The following NELL1 variants were observed in gnomAD, a reference collection of about 807,000 sequenced individuals.
NELL1 encodes protein kinase C-binding protein NELL1.
In NELL1, 76 loss-of-function variants were observed where a neutral mutation model predicts 107.4. The observed-to-expected ratio is 0.71, with a 90% CI of 0.59 to 0.86. NELL1 has a LOEUF of 0.86. Ranked by LOEUF, NELL1 falls within the 40% of genes least tolerant of loss-of-function variation. The pLI is 0.00. For missense variants in NELL1, 1,024 were observed against 1,005.5 expected (o/e 1.02, Z -0.25); for synonymous variants, 353 against 341.2 (o/e 1.03, Z -0.38).
chr11:20,927,544 G>A, intron 8 of NELL1, 102 bp downstream of exon 8: 1 of 1,180,602 alleles, frequency 8.5e-7, no homozygotes, highest in Non-Finnish European at 1.2e-6. Context: ...TTAACTCTGA[G>A]AATTGTTAGG....
intron 12 of NELL1, among the ~76,000 whole-genome samples, chr11:21,010,685 A>AGGG (rs1852427362): frequency 6.6e-6 from 1 of 152,144 alleles, no homozygotes; most frequent in South Asian, 2.1e-4. Context: ...TAGGCTAAAT[A>AGGG]GGGAGTAAAG....
chr11:20,711,841 C>T (rs1221054881), intron 2 of NELL1, among the ~76,000 whole-genome samples: 1 of 152,136 alleles, frequency 6.6e-6, no homozygotes, highest in Non-Finnish European at 1.5e-5. Context: ...CTTTAGATAA[C>T]CTGATGACTG....
intron 5 of NELL1, among the ~76,000 whole-genome samples, chr11:20,887,143 C>T (rs1849525629): frequency 1.3e-5 from 2 of 152,108 alleles, no homozygotes; most frequent in Admixed American, 6.5e-5. Context: ...TTGAGATTCA[C>T]CAAGTTGTTG....
At chr11:20,961,266 G>A (rs761263788) in intron 12 of NELL1, among the ~76,000 whole-genome samples, 1 of 152,264 alleles carries the variant, frequency 6.6e-6, no homozygotes, top group East Asian at 1.9e-4. Context: ...ACCTTAACAT[G>A]CCAGAGGAGT....
At chr11:21,532,060 C>G (rs901395825) in intron 15 of NELL1, among the ~76,000 whole-genome samples, 3 of 152,118 alleles carry the variant, frequency 2.0e-5, no homozygotes, top group African/African-American at 7.2e-5. Flanking sequence ...GCACAGAGAA[C>G]AGAAATGTAC....
chr11:20,798,234 A>AAATTT (rs1857212891), intron 3 of NELL1, among the ~76,000 whole-genome samples: 1 of 152,230 alleles, frequency 6.6e-6, no homozygotes, highest in African/African-American at 2.4e-5. Flanking sequence ...CTAATTAAGT[A>AAATTT]AAATTTAAAT....
At chr11:20,755,476 C>T (rs1400680559) in intron 2 of NELL1, among the ~76,000 whole-genome samples, 3 of 151,312 alleles carry the variant, frequency 2.0e-5, no homozygotes, top group African/African-American at 4.9e-5. Flanking sequence ...TCTAACACCT[C>T]AGCTGTACAA....
chr11:21,489,355 A>C (rs2133912566), intron 15 of NELL1, among the ~76,000 whole-genome samples: 1 of 139,002 alleles, frequency 7.2e-6, no homozygotes, highest in Admixed American at 7.7e-5. Context: ...GTAGAGAACT[A>C]ACACCAATCT....
At chr11:21,250,731 GAATA>G (rs777743205) in intron 14 of NELL1, among the ~76,000 whole-genome samples, 1 of 152,140 alleles carries the variant, frequency 6.6e-6, no homozygotes, top group Non-Finnish European at 1.5e-5. Context: ...TAAATGTTGG[GAATA>G]AAGAGAAATA....
intron 10 of NELL1, among the ~76,000 whole-genome samples, chr11:20,938,623 A>G (rs1564976560): frequency 6.6e-6 from 1 of 152,168 alleles, no homozygotes. Context: ...CCATGCAGGT[A>G]TTTGGGTGAG....
intron 14 of NELL1, among the ~76,000 whole-genome samples, chr11:21,270,411 A>C (rs1357110241): frequency 6.6e-6 from 1 of 152,172 alleles, no homozygotes; most frequent in Non-Finnish European, 1.5e-5. Flanking sequence ...ACAGACTTCA[A>C]AGCAAGAAAA....
intron 7 of NELL1, among the ~76,000 whole-genome samples, chr11:20,923,957 G>A (rs1850435352): frequency 6.6e-6 from 1 of 152,142 alleles, no homozygotes; most frequent in African/African-American, 2.4e-5. Context: ...GACCTCTGAT[G>A]ATAAAAAAGG....
At chr11:20,935,055 A>G (rs1850694813) in intron 9 of NELL1, among the ~76,000 whole-genome samples, 1 of 152,148 alleles carries the variant, frequency 6.6e-6, no homozygotes, top group Non-Finnish European at 1.5e-5. Flanking sequence ...CACCTACTAG[A>G]GGCTCATTAA....
chr11:20,822,855 C>T (rs1478839074), intron 3 of NELL1, among the ~76,000 whole-genome samples: 1 of 152,124 alleles, frequency 6.6e-6, no homozygotes, highest in Non-Finnish European at 1.5e-5. Flanking sequence ...GCTTAAAGAC[C>T]TTGGTCTTGT....
At chr11:21,287,051 T>C (rs1230707435) in intron 14 of NELL1, among the ~76,000 whole-genome samples, 1 of 152,232 alleles carries the variant, frequency 6.6e-6, no homozygotes, top group African/African-American at 2.4e-5. Flanking sequence ...TTATATTCCT[T>C]ATTACACAGA....
chr11:21,568,748 T>A (rs923259955), intron 17 of NELL1, among the ~76,000 whole-genome samples: 5 of 151,888 alleles, frequency 3.3e-5, no homozygotes, highest in African/African-American at 1.2e-4. Context: ...TTCCTCCATG[T>A]CTTGTCCCAC....
intron 12 of NELL1, among the ~76,000 whole-genome samples, chr11:21,047,545 A>G (rs1489726877): frequency 2.6e-5 from 4 of 152,154 alleles, no homozygotes; most frequent in African/African-American, 9.7e-5. Flanking sequence ...GTAGTATACA[A>G]TTTATTTAAC....
chr11:21,136,076 T>C (rs1352693931), intron 13 of NELL1, among the ~76,000 whole-genome samples: 1 of 152,212 alleles, frequency 6.6e-6, no homozygotes, highest in Admixed American at 6.5e-5. Context: ...ATTATTGGTG[T>C]GATCCAGAGG....
chr11:21,495,807 C>T (rs769860467), intron 15 of NELL1, among the ~76,000 whole-genome samples: 21 of 152,176 alleles, frequency 1.4e-4, no homozygotes, highest in Admixed American at 7.8e-4. Context: ...TGTACATCTT[C>T]TTTGGAGAAA....
Sources: gnomAD v4.1 joint callset for allele counts (sites outside exome capture counted in the v4.1 genomes callset) on GRCh38, gnomAD v4.1.1 for gene constraint, MANE v1.5 for transcripts, NCBI Gene and HGNC (gene_info 2026-07-23, HGNC 2026-07-21) for gene names.